The following AMOT variants were observed in gnomAD, a reference collection of about 807,000 sequenced individuals.
The protein encoded by AMOT is angiomotin.
In AMOT, 11 loss-of-function variants were observed where a neutral mutation model predicts 67.0. That is an observed-to-expected ratio of 0.16 (90% CI 0.10 to 0.27). AMOT has a LOEUF of 0.27. Among genes scored for constraint, AMOT ranks in the 10% least tolerant of loss-of-function variants. AMOT has a pLI of 1.00. For synonymous variants in AMOT, 326 were observed against 321.4 expected (o/e 1.01, Z -0.15); for missense variants, 753 against 852.0 (o/e 0.88, Z 1.45).
intron 1 of AMOT, among the ~76,000 whole-genome samples, chrX:112,840,052 G>A (rs1307950260): frequency 9.0e-6 from 1 of 111,325 alleles, no homozygotes; most frequent in African/African-American, 3.3e-5. Flanking sequence ...CCAAGCCTAA[G>A]CACTTAGCAG....
chrX:112,811,505 G>T, intron 5 of AMOT, 112 bp from the exon 6 acceptor site: 13 of 854,293 alleles, frequency 1.5e-5, no homozygotes, highest in Non-Finnish European at 2.1e-5. Context: ...CTCACAGATG[G>T]CCAGGAGGCA....
Position 112,791,826 on chromosome X carries a change from C to G in AMOT, c.1926+6G>C, listed in dbSNP as rs771897330. ...TTTTCCCTTTCTTCCTTTAAGTTCT[C>G]CATACCTGCTGGATTCTCAGGGATT... On this transcript the variant is annotated splice_donor_region_variant and intron_variant, in intron 9 of 13. Transcript: ENST00000371959. 1.5e-5 allele frequency: 18 copies of G among 1,208,711 alleles called. No individual in the cohort carries two copies. Among genetic ancestry groups the G allele is most frequent in the Non-Finnish European group, 2.0e-5 (18 of 894,388 alleles).
intron 1 of AMOT, among the ~76,000 whole-genome samples, chrX:112,838,875 T>G (rs1935207415): frequency 8.9e-6 from 1 of 112,186 alleles, no homozygotes; most frequent in Non-Finnish European, 1.9e-5. Flanking sequence ...TGCCAGAAAG[T>G]GTCTGTCAAT....
chrX:112,814,661 G>A (rs976346317), intron 5 of AMOT, among the ~76,000 whole-genome samples: 1 of 112,229 alleles, frequency 8.9e-6, no homozygotes, highest in African/African-American at 3.2e-5. Flanking sequence ...AGAAGAATGT[G>A]AACTGGAGAT....
intron 1 of AMOT, among the ~76,000 whole-genome samples, chrX:112,837,604 A>G (rs1051919304): frequency 1.8e-5 from 2 of 109,757 alleles, no homozygotes; most frequent in African/African-American, 6.6e-5. Flanking sequence ...CCCACCATGG[A>G]GGAGAGTAAT....
At chrX:112,826,355 A>T (rs2147826137) in intron 2 of AMOT, among the ~76,000 whole-genome samples, 1 of 112,760 alleles carries the variant, frequency 8.9e-6, no homozygotes, top group Non-Finnish European at 1.9e-5. Flanking sequence ...ACAAAACCAC[A>T]AAGTGATTAA....
intron 1 of AMOT, among the ~76,000 whole-genome samples, chrX:112,834,441 G>T (rs762592217): frequency 2.7e-5 from 3 of 111,674 alleles, no homozygotes; most frequent in Admixed American, 9.5e-5. Context: ...TGATAGGGGG[G>T]CGGCACAGTT....
At position 112,781,109 on chromosome X, in the gene AMOT, G is replaced by A; in HGVS notation, c.2250C>T (p.Thr750=). Residue 750 remains threonine, a synonymous_variant, in exon 12 of 14, where the codon ACC becomes ACT. Coordinates refer to ENST00000371959, the MANE Select transcript of AMOT (RefSeq NM_001113490.2). The part of the protein sequence containing the change: ...RCLDMEGRIK[T]LHAQIIEKDA... Reference sequence around the variant, plus strand: ...CCTTCTCAATAATCTGGGCATGGAGGGTCTTAATCCTAGGAGCCAAAGGCA... The same window carrying A: ...CCTTCTCAATAATCTGGGCATGGAGAGTCTTAATCCTAGGAGCCAAAGGCA... 1 of 1,210,399 alleles carries A rather than the reference G, an allele frequency of 8.3e-7. No homozygotes were observed. The highest frequency in any genetic ancestry group is 1.1e-6 in the Non-Finnish European group (1 of 894,375).
intron 2 of AMOT, among the ~76,000 whole-genome samples, chrX:112,827,936 A>T (rs909084602): frequency 8.9e-6 from 1 of 112,070 alleles, no homozygotes; most frequent in African/African-American, 3.3e-5. Flanking sequence ...TTTCTCTGCT[A>T]AATCTTGGTC....
rs191059266 is a variant in AMOT at position 112,803,501 on chromosome X, A to T, written c.1776+1446T>A. On this transcript the variant is annotated intron_variant, in intron 8 of 13. Transcript: ENST00000371959. ...AAGTCTTCCTCATTTTCTGTTGAGC[A>T]ACTTAGCATAGTTCTAATATAGACA... Among the ~76,000 whole-genome samples the T allele has an allele frequency of 3.4e-3, 377 of 112,369 alleles. 2 individuals are homozygous for T. The highest frequency in any genetic ancestry group is 0.012 in the African/African-American group (366 of 30,928).
intron 8 of AMOT, among the ~76,000 whole-genome samples, chrX:112,797,609 C>T (rs921069180): frequency 1.8e-5 from 2 of 111,364 alleles, no homozygotes; most frequent in African/African-American, 6.5e-5. Context: ...GGTGAAACGC[C>T]GTCTCTACTA....
At chrX:112,803,801 G>A (rs1403159369) in intron 8 of AMOT, among the ~76,000 whole-genome samples, 1 of 112,591 alleles carries the variant, frequency 8.9e-6, no homozygotes, top group Non-Finnish European at 1.9e-5. Flanking sequence ...TAGCCAGAAT[G>A]CTTTTTAAAT....
chrX:112,806,750 A>C (rs1032464646), intron 7 of AMOT, among the ~76,000 whole-genome samples: 1 of 111,918 alleles, frequency 8.9e-6, no homozygotes, highest in African/African-American at 3.2e-5. Flanking sequence ...TCTTATCTCA[A>C]TCTGCCCTCT....
rs193043209 is a variant in AMOT at position 112,815,201 on chromosome X, C to T, written c.1392+157G>A. On this transcript the variant is annotated intron_variant, in intron 5 of 13. Coordinates refer to ENST00000371959, the MANE Select transcript of AMOT (RefSeq NM_001113490.2). ...TAGGTAGACAGGTAGAAGGCTTTTT[C>T]CAAAGTTTGACTCATATCTAACCTT... Among the ~76,000 whole-genome samples, 23 of 111,769 alleles carry T rather than the reference C, an allele frequency of 2.1e-4. No homozygotes were observed. The East Asian group carries it at 6.2e-3, about 30-fold the overall frequency.
chrX:112,794,040 G>T (rs888586406), intron 8 of AMOT, among the ~76,000 whole-genome samples: 1 of 111,980 alleles, frequency 8.9e-6, no homozygotes, highest in African/African-American at 3.3e-5. Flanking sequence ...AAGGGAGCAA[G>T]GCAATGTTAA....
At chrX:112,814,133 G>A (rs767087860) in intron 5 of AMOT, among the ~76,000 whole-genome samples, 17 of 110,930 alleles carry the variant, frequency 1.5e-4, no homozygotes, top group East Asian at 5.7e-4. Context: ...TTAGCCAGGC[G>A]TGGTGACACA....
At chrX:112,817,368 T>C (rs1323460066) in intron 4 of AMOT, among the ~76,000 whole-genome samples, 2 of 112,414 alleles carry the variant, frequency 1.8e-5, no homozygotes, top group Non-Finnish European at 3.8e-5. Flanking sequence ...AGGATATCCA[T>C]TTAATCTTTG....
intron 5 of AMOT, among the ~76,000 whole-genome samples, chrX:112,811,823 C>T (rs1934375969): frequency 8.9e-6 from 1 of 111,754 alleles, no homozygotes; most frequent in African/African-American, 3.3e-5. Context: ...AGACAGGATA[C>T]CTCTTCTCAT....
At position 112,808,892 on chromosome X, in the gene AMOT, C is replaced by T. The variant is rs148850615; in HGVS notation, c.1630+1002G>A. ...TATGCTGACAAAGGAACAGGAGGTA[C>T]AGGGAAAAGAAAAAGAAAAAACCTG... is the stretch of plus-strand genomic sequence containing the variant. On this transcript the variant is annotated intron_variant, in intron 7 of 13. Transcript: ENST00000371959. 3.7e-3 allele frequency among the ~76,000 whole-genome samples: 409 copies of T among 111,671 alleles called. 3 individuals carry two copies. Among genetic ancestry groups the T allele is most frequent in the African/African-American group, 0.013 (397 of 30,708 alleles).
Sources: gnomAD v4.1 joint callset for allele counts (sites outside exome capture counted in the v4.1 genomes callset) on GRCh38, gnomAD v4.1.1 for gene constraint, MANE v1.5 for transcripts, NCBI Gene and HGNC (gene_info 2026-07-23, HGNC 2026-07-21) for gene names.